KCNQ5: variants seen among roughly 807,000 people sequenced by gnomAD.
The protein encoded by KCNQ5 is potassium voltage-gated channel subfamily KQT member 5.
Under a neutral mutation model 98.2 loss-of-function variants are expected in KCNQ5, and 30 were observed. The ratio of observed to expected loss-of-function variants is 0.31; its 90% confidence interval spans 0.23 to 0.41. KCNQ5 has a LOEUF of 0.41. KCNQ5 is among the 10% of genes least tolerant of loss of function. KCNQ5 has a pLI of 1.00. For synonymous variants in KCNQ5, 458 were observed against 449.4 expected (o/e 1.02, Z -0.24); for missense variants, 835 against 1,182.5 (o/e 0.71, Z 4.31).
In KCNQ5 at chr6:73,197,788, A is replaced by C. The variant is rs1295776131; in HGVS notation, c.*2374A>C. On this transcript the variant is annotated 3_prime_UTR_variant, in exon 14 of 14. Transcript: ENST00000370398. ...TCCTGGGTCAAACCCCACTGGCAGC[A>C]GGAATTCTGAATGTATTGGGGACCC... 6.6e-6 allele frequency: 1 copy of C among 152,300 alleles called. No homozygotes were observed. Among genetic ancestry groups the C allele is most frequent in the Non-Finnish European group, 1.5e-5 (1 of 68,102 alleles). 9.4% of individuals were successfully genotyped at this position (152,300 alleles called of 1,614,324 possible).
At chr6:72,836,057 C>T (rs1323582905) in intron 1 of KCNQ5, among the ~76,000 whole-genome samples, 1 of 152,104 alleles carries the variant, frequency 6.6e-6, no homozygotes, top group Admixed American at 6.5e-5. Flanking sequence ...AAACATTTAC[C>T]AGAATGCCAC....
intron 1 of KCNQ5, among the ~76,000 whole-genome samples, chr6:72,710,726 T>C (rs927504392): frequency 1.3e-5 from 2 of 152,138 alleles, no homozygotes; most frequent in Non-Finnish European, 2.9e-5. Flanking sequence ...AGACATAGAC[T>C]GCAACAAAAT....
At chr6:72,864,425 C>T (rs552205710) in intron 1 of KCNQ5, among the ~76,000 whole-genome samples, 28 of 152,272 alleles carry the variant, frequency 1.8e-4, no homozygotes, top group African/African-American at 6.5e-4. Context: ...TGCCCAGAAG[C>T]AATGTTTGTT....
intron 1 of KCNQ5, among the ~76,000 whole-genome samples, chr6:72,821,476 A>G (rs940155475): frequency 1.3e-5 from 2 of 152,126 alleles, no homozygotes; most frequent in African/African-American, 4.8e-5. Flanking sequence ...TGAATTTCAC[A>G]TATTAGTTCT....
At chr6:72,856,471 TACACACACAC>T (rs3035183) in intron 1 of KCNQ5, among the ~76,000 whole-genome samples, 1 of 148,912 alleles carries the variant, frequency 6.7e-6, no homozygotes, top group Non-Finnish European at 1.5e-5. Flanking sequence ...CACACATATA[TACACACACAC>T]ACACACACAC....
chr6:73,189,656 G>C (rs996627862), intron 11 of KCNQ5, among the ~76,000 whole-genome samples: 1 of 152,142 alleles, frequency 6.6e-6, no homozygotes, highest in African/African-American at 2.4e-5. Context: ...CCTGCAATAA[G>C]GCTACACAAA....
intron 1 of KCNQ5, among the ~76,000 whole-genome samples, chr6:72,913,176 AG>A (rs1176002948): frequency 1.3e-5 from 2 of 152,186 alleles, no homozygotes; most frequent in African/African-American, 4.8e-5. Context: ...TTGAAATTTT[AG>A]GTGTATCTTT....
At chr6:72,710,430 A>G (rs1183122570) in intron 1 of KCNQ5, among the ~76,000 whole-genome samples, 1 of 152,216 alleles carries the variant, frequency 6.6e-6, no homozygotes, top group African/African-American at 2.4e-5. Context: ...ACCCAACTGT[A>G]TGCTGCCTAC....
intron 1 of KCNQ5, among the ~76,000 whole-genome samples, chr6:72,788,684 T>C (rs115514645): frequency 6.6e-6 from 1 of 152,222 alleles, no homozygotes; most frequent in Non-Finnish European, 1.5e-5. Flanking sequence ...ATTAACCTTA[T>C]AGTTTGATGC....
At chr6:72,959,298 T>C (rs1477883396) in intron 1 of KCNQ5, among the ~76,000 whole-genome samples, 1 of 152,202 alleles carries the variant, frequency 6.6e-6, no homozygotes, top group African/African-American at 2.4e-5. Flanking sequence ...TGTTTTGTAT[T>C]TGATATTTCA....
At chr6:72,669,318 G>A (rs1425072969) in intron 1 of KCNQ5, among the ~76,000 whole-genome samples, 2 of 152,192 alleles carry the variant, frequency 1.3e-5, no homozygotes, top group African/African-American at 2.4e-5. Flanking sequence ...AAGGAATGAA[G>A]GGGTGATGGA....
chr6:72,973,426 G>A (rs116081816), intron 1 of KCNQ5, among the ~76,000 whole-genome samples: 1,598 of 152,002 alleles, frequency 0.011, 32 homozygotes, highest in African/African-American at 0.037. Flanking sequence ...TTTACTGGAG[G>A]GAAAGGATTT....
intron 1 of KCNQ5, among the ~76,000 whole-genome samples, chr6:72,818,705 A>G (rs1775614725): frequency 6.6e-6 from 1 of 151,386 alleles, no homozygotes; most frequent in Non-Finnish European, 1.5e-5. Context: ...TTTTAATAAC[A>G]GAATTACTAA....
chr6:72,897,226 T>C (rs1032257160), intron 1 of KCNQ5, among the ~76,000 whole-genome samples: 1 of 151,912 alleles, frequency 6.6e-6, no homozygotes, highest in African/African-American at 2.4e-5. Context: ...ATGGAAATTA[T>C]TGGAAAAAAA....
intron 1 of KCNQ5, among the ~76,000 whole-genome samples, chr6:72,859,328 T>A (rs957700331): frequency 2.0e-5 from 3 of 152,154 alleles, no homozygotes; most frequent in African/African-American, 7.2e-5. Context: ...AGAAATTATA[T>A]TTTTTTAAGC....
At chr6:73,026,674 C>G (rs1770903913) in intron 2 of KCNQ5, among the ~76,000 whole-genome samples, 1 of 152,128 alleles carries the variant, frequency 6.6e-6, no homozygotes, top group Non-Finnish European at 1.5e-5. Flanking sequence ...GTTCTGTATT[C>G]CAGCATTTAG....
At chr6:72,805,992 A>G (rs145631945) in intron 1 of KCNQ5, among the ~76,000 whole-genome samples, 3 of 152,194 alleles carry the variant, frequency 2.0e-5, no homozygotes, top group Non-Finnish European at 4.4e-5. Context: ...AAAGTGCTTC[A>G]TAGTGTACTT....
chr6:72,907,261 A>G (rs1037788156), intron 1 of KCNQ5, among the ~76,000 whole-genome samples: 4 of 152,172 alleles, frequency 2.6e-5, no homozygotes, highest in Non-Finnish European at 4.4e-5. Flanking sequence ...AACCCCCATG[A>G]CACAAGTTTA....
intron 1 of KCNQ5, among the ~76,000 whole-genome samples, chr6:72,788,348 G>A (rs1208670005): frequency 6.6e-6 from 1 of 152,134 alleles, no homozygotes; most frequent in East Asian, 1.9e-4. Context: ...CAAGACTTTG[G>A]ATATCTGTAA....
Sources: allele counts gnomAD v4.1 joint callset (sites outside exome capture counted in the v4.1 genomes callset), GRCh38; gene constraint gnomAD v4.1.1; transcripts MANE v1.5; gene names NCBI Gene and HGNC (gene_info 2026-07-23, HGNC 2026-07-21).